MIGA1: variants seen among roughly 807,000 people sequenced by gnomAD.
The protein encoded by MIGA1 is mitoguardin 1.
MIGA1 carries 58 observed loss-of-function variants against 82.0 expected under a neutral mutation model. That is an observed-to-expected ratio of 0.71 (90% CI 0.57 to 0.88). The LOEUF (loss-of-function observed/expected upper bound fraction) is 0.88, where lower values mean the gene tolerates loss of function less well. Ranked by LOEUF, MIGA1 falls within the 40% of genes least tolerant of loss-of-function variation. The pLI is 0.00. For missense variants in MIGA1, 751 were observed against 749.1 expected (o/e 1.00, Z -0.03); for synonymous variants, 249 against 253.6 (o/e 0.98, Z 0.17).
intron 5 of MIGA1, chr1:77,811,373 C>T (rs1011962129): frequency 3.1e-6 from 5 of 1,606,244 alleles, no homozygotes; most frequent in Non-Finnish European, 4.3e-6. Context: ...GCACCACCCT[C>T]TTCTTCATCT....
intron 14 of MIGA1, among the ~76,000 whole-genome samples, chr1:77,869,747 C>G (rs1453347793): frequency 8.4e-6 from 1 of 118,442 alleles, no homozygotes; most frequent in Non-Finnish European, 1.8e-5. Context: ...GACCCCCCCC[C>G]CGCCTGCCTC....
intron 8 of MIGA1, chr1:77,848,735 A>G (rs558217969): frequency 4.0e-6 from 6 of 1,492,704 alleles, no homozygotes; most frequent in Non-Finnish European, 5.6e-6. Flanking sequence ...TCAGCTAGAG[A>G]CAGGTACTTG....
intron 13 of MIGA1, among the ~76,000 whole-genome samples, chr1:77,865,593 CA>C (rs201764504): frequency 3.4e-5 from 5 of 148,296 alleles, no homozygotes; most frequent in Non-Finnish European, 3.0e-5. Context: ...AACCCTGTCT[CA>C]AAAAAAAAGA....
intron 4 of MIGA1, among the ~76,000 whole-genome samples, chr1:77,803,928 C>T (rs186216482): frequency 2.6e-5 from 4 of 152,062 alleles, no homozygotes; most frequent in Admixed American, 1.3e-4. Context: ...TTGTTTATAA[C>T]ACAAAGAAGG....
rs371637069 is a variant in MIGA1, at chr1:77,860,073, C to G, written c.1222C>G (p.Leu408Val). ...TTCAGAATCAGCTAACAGGATATTC[C>G]TCGCTGAGAGCGGAAGGAAAATTTT... The change falls in exon 11 of 16, where the codon CTC becomes GTC. Residue 408 changes from leucine to valine, a missense_variant. Around this residue, in one of 3 missense-constraint regions of MIGA1, gnomAD observed 265 missense variants for 293.6 expected, o/e 0.90. Transcript: ENST00000370791. The G allele has an allele frequency of 3.5e-5, 57 of 1,611,780 alleles. No homozygotes were observed. Among genetic ancestry groups the G allele is most frequent in the South Asian group, 5.5e-5 (5 of 90,516 alleles).
intron 3 of MIGA1, 114 bp from the exon 4 acceptor site, chr1:77,803,156 A>G (rs996574999): frequency 4.1e-6 from 2 of 484,144 alleles, no homozygotes; most frequent in Non-Finnish European, 6.8e-6. Flanking sequence ...TGAGTGATGC[A>G]TGTTTTAAAA....
In MIGA1 at chr1:77,876,583, T is replaced by C. The variant is rs1428782275; in HGVS notation, c.*1519T>C. The C allele has an allele frequency of 6.6e-6, 1 of 152,202 alleles. No individual in the cohort carries two copies. Among genetic ancestry groups the C allele is most frequent in the Non-Finnish European group, 1.5e-5 (1 of 68,026 alleles). The allele number at this position is 152,202 out of a possible 1,614,324, so 9.4% of individuals were successfully genotyped here. A position where few individuals can be genotyped will look rare whatever the true frequency, so the allele number is the denominator to read the frequency against. Reference sequence around the variant, plus strand: ...TCTGAAGGTATGAAACTTGGTACAGTGAAATAATTTCTCCTTTCTCCTTCC... The same window carrying C: ...TCTGAAGGTATGAAACTTGGTACAGCGAAATAATTTCTCCTTTCTCCTTCC... On this transcript the variant is annotated 3_prime_UTR_variant, in exon 16 of 16. Coordinates refer to ENST00000370791, the MANE Select transcript of MIGA1 (RefSeq NM_198549.4).
At chr1:77,839,908 T>G (rs1227492230) in intron 7 of MIGA1, among the ~76,000 whole-genome samples, 1 of 152,108 alleles carries the variant, frequency 6.6e-6, no homozygotes, top group Non-Finnish European at 1.5e-5. Flanking sequence ...CACCAGCTAA[T>G]TTTTTGTAAA....
intron 8 of MIGA1, among the ~76,000 whole-genome samples, chr1:77,850,034 C>CAAA (rs377438344): frequency 3.1e-5 from 3 of 97,366 alleles, no homozygotes; most frequent in Admixed American, 1.1e-4. Context: ...GACTCTCTCT[C>CAAA]AAAAAAAAAA....
At chr1:77,826,549 C>T (rs951560114) in intron 7 of MIGA1, among the ~76,000 whole-genome samples, 2 of 152,174 alleles carry the variant, frequency 1.3e-5, no homozygotes, top group African/African-American at 4.8e-5. Context: ...GATCATGGCT[C>T]ACCACAGCCT....
intron 5 of MIGA1, among the ~76,000 whole-genome samples, chr1:77,808,758 GT>G (rs1409039099): frequency 6.6e-6 from 1 of 152,194 alleles, no homozygotes; most frequent in African/African-American, 2.4e-5. Context: ...GCAATGAAGG[GT>G]TGATGGCTCT....
In MIGA1 at chr1:77,831,322, A is replaced by G. The variant is rs141897075; in HGVS notation, c.896-11985A>G. ...GTGTTACTTTCCTTAATAAACAAGT[A>G]ATTTTGTAAGCTTTGAAAAGTGGCT... is the stretch of plus-strand genomic sequence containing the variant. On this transcript the variant is annotated intron_variant, in intron 7 of 15. Transcript: ENST00000370791. Among the ~76,000 whole-genome samples the G allele has an allele frequency of 9.8e-4, 149 of 152,322 alleles. 1 individual carries two copies. Among genetic ancestry groups the G allele is most frequent in the African/African-American group, 3.5e-3 (146 of 41,568 alleles).
intron 4 of MIGA1, among the ~76,000 whole-genome samples, chr1:77,804,833 T>C (rs1266941826): frequency 6.6e-6 from 1 of 151,902 alleles, no homozygotes; most frequent in African/African-American, 2.4e-5. Context: ...TTTACTATGT[T>C]GGCTAGGCTG....
intron 9 of MIGA1, 65 bp from the exon 10 acceptor site, chr1:77,859,249 C>A: frequency 7.4e-7 from 1 of 1,347,766 alleles, no homozygotes; most frequent in Non-Finnish European, 1.1e-6. Context: ...TTGTTTGAAT[C>A]CAAATTTATA....
At position 77,783,337 on chromosome 1, in the gene MIGA1, T is replaced by C. The variant is rs1682006483; in HGVS notation, c.181T>C (p.Tyr61His). 2 of 1,578,434 alleles carry C rather than the reference T, an allele frequency of 1.3e-6. No homozygotes were observed. The highest frequency in any genetic ancestry group is 1.7e-6 in the Non-Finnish European group (2 of 1,154,754). The change falls in exon 2 of 16, where the codon TAT becomes CAT. Residue 61 changes from tyrosine (Y) to histidine (H), a missense_variant. This residue lies in a region of MIGA1 where 482 missense variants were observed against 439.4 expected (regional missense o/e 1.10). Transcript: ENST00000370791. The stretch of plus-strand genomic sequence containing the variant: ...GTTTGATCTTCCTCTGACTTGGTAC[T>C]ATTCTCTCTCCCAGGTAAATAAAAG...
At chr1:77,811,366 C>T (rs1328517538) in intron 5 of MIGA1, 4 of 1,607,036 alleles carry the variant, frequency 2.5e-6, no homozygotes, top group African/African-American at 1.3e-5. Context: ...TGCTCCAGCA[C>T]CACCCTCTTC....
At chr1:77,853,674 ACAAAAACAAACAAAAACC>A (rs1488884850) in intron 8 of MIGA1, 4 of 234,018 alleles carry the variant, frequency 1.7e-5, no homozygotes, top group African/African-American at 7.0e-5. Context: ...ACAAAAACAA[ACAAAAACAAACAAAAACC>A]CAAAAACAAA....
chr1:77,850,854 C>G (rs574837161), intron 8 of MIGA1, among the ~76,000 whole-genome samples: 214 of 82,786 alleles, frequency 2.6e-3, no homozygotes, highest in African/African-American at 6.1e-3. Flanking sequence ...TGATTTCTTT[C>G]TTTCTTTCTT....
intron 4 of MIGA1, among the ~76,000 whole-genome samples, chr1:77,805,696 A>G (rs547087825): frequency 6.6e-6 from 1 of 151,292 alleles, no homozygotes; most frequent in African/African-American, 2.4e-5. Context: ...CACCTGGCTA[A>G]TTTTTGTATT....
Sources: allele counts gnomAD v4.1 joint callset (sites outside exome capture counted in the v4.1 genomes callset), GRCh38; gene constraint gnomAD v4.1.1; regional missense constraint gnomAD v4.1.1; transcripts MANE v1.5; gene names NCBI Gene and HGNC (gene_info 2026-07-23, HGNC 2026-07-21).